Variants in PEMT observed in about 807,000 individuals in gnomAD.
PEMT encodes phospholipid methyltransferase.
In PEMT, 23 loss-of-function variants were observed where a neutral mutation model predicts 27.4. The observed-to-expected ratio is 0.84, with a 90% confidence interval of 0.60 to 1.19. PEMT has a LOEUF of 1.19. Among genes scored for constraint, PEMT ranks in the 50% most tolerant of loss-of-function variants. PEMT has a pLI of 0.00. For synonymous variants in PEMT, 137 were observed against 139.1 expected (o/e 0.98, Z 0.11); for missense variants, 307 against 310.1 (o/e 0.99, Z 0.07).
chr17:17,591,672 C>T lies in PEMT; in HGVS notation c.-46G>A, dbSNP rs559453850. The T allele has an allele frequency of 1.9e-6, 3 of 1,581,558 alleles. No homozygotes were observed. In the South Asian group the frequency reaches 3.4e-5, roughly 18 times the overall value. ...CACCACGCGGGCCCCGCTGCAGCCA[C>T]GCGCCCCCGGAACCGGACCTATAGA... On this transcript the variant is annotated 5_prime_UTR_variant, in exon 1 of 7. The change creates a new upstream start codon in the 5' untranslated region. Coordinates refer to ENST00000255389, the MANE Select transcript of PEMT (RefSeq NM_148172.3).
intron 3 of PEMT, among the ~76,000 whole-genome samples, chr17:17,519,994 G>A (rs1407451989): frequency 6.6e-6 from 1 of 152,172 alleles, no homozygotes; most frequent in Non-Finnish European, 1.5e-5. Context: ...TGGTGGTCCC[G>A]GCATGCTCTA....
intron 2 of PEMT, among the ~76,000 whole-genome samples, chr17:17,540,848 C>T (rs1219740512): frequency 6.6e-6 from 1 of 152,200 alleles, no homozygotes; most frequent in Admixed American, 6.5e-5. Context: ...CCGAGTGCTC[C>T]CCTGTGAGCA....
chr17:17,521,202 C>T (rs1010455576), intron 3 of PEMT, among the ~76,000 whole-genome samples: 6 of 152,210 alleles, frequency 3.9e-5, no homozygotes, highest in East Asian at 1.9e-4. Flanking sequence ...TGGTCTGTCT[C>T]GACAAGTCAA....
intron 1 of PEMT, among the ~76,000 whole-genome samples, chr17:17,585,302 C>T (rs1912189025): frequency 6.6e-6 from 1 of 152,198 alleles, no homozygotes; most frequent in African/African-American, 2.4e-5. Context: ...CATGCCACTG[C>T]ACTCCAGCCT....
intron 3 of PEMT, among the ~76,000 whole-genome samples, chr17:17,520,931 A>G (rs1198719130): frequency 6.6e-6 from 1 of 152,254 alleles, no homozygotes; most frequent in East Asian, 1.9e-4. Flanking sequence ...CGGAGGGGGA[A>G]GGCCTAGGCC....
chr17:17,537,462 T>C (rs1343482535), intron 2 of PEMT, among the ~76,000 whole-genome samples: 1 of 152,200 alleles, frequency 6.6e-6, no homozygotes, highest in Non-Finnish European at 1.5e-5. Flanking sequence ...CCCCCAAGCC[T>C]AGCCCAGCCC....
At chr17:17,570,938 C>T (rs1413595769) in intron 2 of PEMT, 7 of 984,380 alleles carry the variant, frequency 7.1e-6, no homozygotes, top group African/African-American at 3.5e-5. Context: ...AGGGAAAGAA[C>T]AGAACATTGG....
Position 17,582,409 on chromosome 17 carries a change from C to T in PEMT, c.97-5382G>A, listed in dbSNP as rs73300567. The T allele has an allele frequency of 8.6e-3, 8,502 of 985,376 alleles. 564 individuals are homozygous for T. In the African/African-American group the frequency reaches 0.14, roughly 16 times the overall value. 61.0% of individuals were successfully genotyped at this position (985,376 alleles called of 1,614,324 possible). A position where few individuals can be genotyped will look rare whatever the true frequency, so the allele number is the denominator to read the frequency against. ...ACTCCATTGAGGGGTGCAGGGTTCT[C>T]GGGAGCAGCGCTCTGTGGTCAGGGA... On this transcript the variant is annotated intron_variant, in intron 1 of 6. Transcript: ENST00000255389. This position sits in a 1 kb window ranked among gnomAD's most constrained non-coding sequence, Gnocchi z 4.9.
At chr17:17,517,503 C>A (rs1417802574) in intron 3 of PEMT, among the ~76,000 whole-genome samples, 13 of 152,248 alleles carry the variant, frequency 8.5e-5, no homozygotes, top group Admixed American at 8.5e-4. Context: ...CCTGTCCTGA[C>A]CACATCCTTG....
chr17:17,588,860 T>C (rs981437738), intron 1 of PEMT, among the ~76,000 whole-genome samples: 3 of 152,246 alleles, frequency 2.0e-5, no homozygotes, highest in African/African-American at 7.2e-5. Flanking sequence ...TCCAGAATCC[T>C]GACAGGGAGG....
At chr17:17,586,296 A>AAG (rs2069109496) in intron 1 of PEMT, among the ~76,000 whole-genome samples, 9 of 141,950 alleles carry the variant, frequency 6.3e-5, no homozygotes, top group Non-Finnish European at 1.2e-4. Flanking sequence ...AAGAAAAAAA[A>AAG]AAACGCAGGT....
intron 2 of PEMT, among the ~76,000 whole-genome samples, chr17:17,532,676 GA>G (rs1393488810): frequency 6.6e-6 from 1 of 152,118 alleles, no homozygotes; most frequent in Non-Finnish European, 1.5e-5. Context: ...CATCCATATG[GA>G]TATTTAAGGG....
In PEMT at chr17:17,561,503, C is replaced by T. The variant is rs1022221236; in HGVS notation, c.204+15417G>A. Among the ~76,000 whole-genome samples, 3 of 152,176 alleles carry T rather than the reference C, an allele frequency of 2.0e-5. No individual in the cohort carries two copies. The highest frequency in any genetic ancestry group is 4.8e-5 in the African/African-American group (2 of 41,432). ...CTGGGGTGGCTGCCCGAGGGGGAAG[C>T]GGACGGTAAGGCTGGAGGTAGGAAG... On this transcript the variant is annotated intron_variant, in intron 2 of 6. Transcript: ENST00000255389. The surrounding 1 kb of genome is among the most constrained non-coding windows in gnomAD (Gnocchi z 4.5).
At chr17:17,551,701 T>C (rs1451821397) in intron 2 of PEMT, among the ~76,000 whole-genome samples, 1 of 152,060 alleles carries the variant, frequency 6.6e-6, no homozygotes, top group Non-Finnish European at 1.5e-5. Flanking sequence ...CCAGAAACAC[T>C]GAACAAGGAG....
intron 2 of PEMT, chr17:17,570,789 G>A (rs751976748): frequency 1.0e-6 from 1 of 985,374 alleles, no homozygotes; most frequent in Non-Finnish European, 1.2e-6. Context: ...GAGACTGGCT[G>A]CAAGCAGCTG....
At chr17:17,543,042 T>G (rs1908999265) in intron 2 of PEMT, among the ~76,000 whole-genome samples, 1 of 152,212 alleles carries the variant, frequency 6.6e-6, no homozygotes, top group Admixed American at 6.5e-5. Flanking sequence ...TTAAACCCAG[T>G]GTGGTTCCCA....
intron 1 of PEMT, chr17:17,577,346 G>T: frequency 1.8e-6 from 1 of 551,906 alleles, no homozygotes; most frequent in Non-Finnish European, 2.7e-6. Context: ...CCTCCTGGAT[G>T]AGGGTTCTCA....
rs531135966 is a variant in PEMT, at chr17:17,513,762, C to T, written c.321-1108G>A. Among the ~76,000 whole-genome samples, 2 of 151,864 alleles carry T rather than the reference C, an allele frequency of 1.3e-5. No homozygotes were observed. The highest frequency in any genetic ancestry group is 4.2e-4 in the South Asian group (2 of 4,792). ...CCAGGCCTCATCACAGGGGAGCGGG[C>T]GCTGGTGGGAAGGGGGCCCTGGGTG... is the stretch of plus-strand genomic sequence containing the variant. On this transcript the variant is annotated intron_variant, in intron 3 of 6. Coordinates refer to ENST00000255389, the MANE Select transcript of PEMT (RefSeq NM_148172.3). This position sits in a 1 kb window ranked among gnomAD's most constrained non-coding sequence, Gnocchi z 4.1.
At chr17:17,520,852 C>T (rs1223432941) in intron 3 of PEMT, among the ~76,000 whole-genome samples, 1 of 152,276 alleles carries the variant, frequency 6.6e-6, no homozygotes, top group Admixed American at 6.5e-5. Context: ...ACCCTGACCA[C>T]GCTGCTCACC....
Sources: allele counts gnomAD v4.1 joint callset (sites outside exome capture counted in the v4.1 genomes callset), GRCh38; gene constraint gnomAD v4.1.1; non-coding constraint Gnocchi (gnomAD v3.1); transcripts MANE v1.5; gene names NCBI Gene and HGNC (gene_info 2026-07-23, HGNC 2026-07-21).